KANTR: variants seen among roughly 807,000 people sequenced by gnomAD.
KANTR encodes KDM5C adjacent transcript.
chrX:53,097,100 G>A (rs1556810984), intron 1 of KANTR, among the ~76,000 whole-genome samples: 3 of 110,920 alleles, frequency 2.7e-5, no homozygotes, highest in Non-Finnish European at 3.8e-5. Flanking sequence ...CAACAAGAGC[G>A]AAACTTCGTC....
At chrX:53,097,408 A>G (rs1256942775) in intron 1 of KANTR, among the ~76,000 whole-genome samples, 2 of 88,253 alleles carry the variant, frequency 2.3e-5, no homozygotes, top group African/African-American at 8.5e-5. Context: ...GCTAGAATGC[A>G]GTGGCACAGT....
chrX:53,121,443 A>G (rs1556815500), intron 2 of KANTR, among the ~76,000 whole-genome samples: 1 of 112,260 alleles, frequency 8.9e-6, no homozygotes, highest in African/African-American at 3.2e-5. Flanking sequence ...TTGCTATATT[A>G]CTACTACCTA....
At chrX:53,134,475 A>G (rs1735850145) in intron 2 of KANTR, among the ~76,000 whole-genome samples, 1 of 111,975 alleles carries the variant, frequency 8.9e-6, no homozygotes, top group African/African-American at 3.2e-5. Context: ...TGGCTTCTCA[A>G]ACTCTATAAT....
intron 2 of KANTR, among the ~76,000 whole-genome samples, chrX:53,117,610 T>TGTTTG (rs782797715): frequency 2.0e-4 from 4 of 19,876 alleles, no homozygotes; most frequent in African/African-American, 4.1e-4. Context: ...TGTGTGTGTG[T>TGTTTG]TTTTTTTTTT....
intron 2 of KANTR, among the ~76,000 whole-genome samples, chrX:53,117,749 T>C (rs1310826294): frequency 9.3e-6 from 1 of 107,001 alleles, no homozygotes; most frequent in Non-Finnish European, 1.9e-5. Context: ...GCCTCCCGAG[T>C]AGCTGGGATT....
chrX:53,140,330 G>A (rs1185703837), intron 2 of KANTR, among the ~76,000 whole-genome samples: 1 of 110,680 alleles, frequency 9.0e-6, no homozygotes, highest in Non-Finnish European at 1.9e-5. Flanking sequence ...GCGAAACCCC[G>A]TCCCTACCAA....
At chrX:53,132,901 T>C (rs1239726982) in intron 2 of KANTR, among the ~76,000 whole-genome samples, 1 of 111,735 alleles carries the variant, frequency 8.9e-6, no homozygotes, top group Non-Finnish European at 1.9e-5. Context: ...TGAAAAAGAA[T>C]GAACTGTATA....
chrX:53,098,063 A>AG (rs1432173151), intron 1 of KANTR, among the ~76,000 whole-genome samples: 1 of 107,598 alleles, frequency 9.3e-6, no homozygotes, highest in Non-Finnish European at 1.9e-5. Flanking sequence ...AAAAAAAAAA[A>AG]AAAAAAAGAA....
intron 2 of KANTR, among the ~76,000 whole-genome samples, chrX:53,103,258 G>A (rs946126647): frequency 1.8e-5 from 2 of 111,040 alleles, no homozygotes; most frequent in Admixed American, 9.6e-5. Context: ...TTACAGGTGT[G>A]ACCCACTGTG....
At chrX:53,129,235 T>TGTGTGTGTG (rs1933330092), downstream of KANTR, among the ~76,000 whole-genome samples, 2 of 83,360 alleles carry the variant, frequency 2.4e-5, no homozygotes, top group South Asian at 7.4e-4. Context: ...GCCTGGCTAT[T>TGTGTGTGTG]TGTGTGTGTG....
At chrX:53,119,039 T>TCTTC (rs1933176642) in intron 2 of KANTR, among the ~76,000 whole-genome samples, 1 of 85,228 alleles carries the variant, frequency 1.2e-5, no homozygotes, top group Non-Finnish European at 2.2e-5. Flanking sequence ...TTCTTATTTT[T>TCTTC]CTTTCTTTTT....
intron 2 of KANTR, among the ~76,000 whole-genome samples, chrX:53,104,886 T>G (rs1932929427): frequency 9.4e-6 from 1 of 105,979 alleles, no homozygotes; most frequent in South Asian, 4.1e-4. Flanking sequence ...TATGTTTAAC[T>G]TTTTTTTTTT....
chrX:53,139,051 G>A (rs782110639), intron 2 of KANTR, among the ~76,000 whole-genome samples: 11 of 109,102 alleles, frequency 1.0e-4, no homozygotes, highest in African/African-American at 3.4e-4. Flanking sequence ...GAAACACCAT[G>A]TCTACTAAAA....
downstream of KANTR, among the ~76,000 whole-genome samples, chrX:53,130,526 T>G (rs1239327414): frequency 8.9e-6 from 1 of 112,312 alleles, no homozygotes; most frequent in Non-Finnish European, 1.9e-5. Context: ...CATTCTGGTT[T>G]TTGCTGAAAG....
At chrX:53,146,167 A>C (rs113262108), downstream of KANTR, among the ~76,000 whole-genome samples, 1 of 112,433 alleles carries the variant, frequency 8.9e-6, no homozygotes, top group Non-Finnish European at 1.9e-5. Flanking sequence ...AGTTGAGAGA[A>C]GAAGGCTTCA....
rs180792479 is a variant in KANTR at position 53,101,850 on chromosome X, T to C, written c.-805+2242T>C. 4.5e-5 allele frequency among the ~76,000 whole-genome samples: 5 copies of C among 110,799 alleles called. No homozygotes were observed. In the East Asian group the frequency reaches 1.4e-3, roughly 31 times the overall value. On this transcript the variant is annotated intron_variant, in intron 2 of 2. Transcript: ENST00000604062. ...CCATCTCTACAAAAAATACAAAAAT[T>C]AAGCTGGGTGCTGTGGCGTGCGCCG...
At chrX:53,142,461 G>A (rs368528040) in exon 3 of KANTR, 1 of 210,200 alleles carries the variant, frequency 4.8e-6, no homozygotes, top group South Asian at 6.4e-5. Flanking sequence ...GATTATAGGC[G>A]AATGCCACCA....
At chrX:53,115,689 T>G (rs1017496306) in intron 2 of KANTR, among the ~76,000 whole-genome samples, 4 of 113,041 alleles carry the variant, frequency 3.5e-5, no homozygotes, top group African/African-American at 1.3e-4. Flanking sequence ...GCCCAGTGCT[T>G]ACTTCCTTTC....
chrX:53,144,886 A>T (rs1465851424), downstream of KANTR, among the ~76,000 whole-genome samples: 1 of 111,790 alleles, frequency 8.9e-6, no homozygotes, highest in Non-Finnish European at 1.9e-5. Flanking sequence ...CAGTTCAGCC[A>T]CTTAGTGGAT....
Sources: gnomAD v4.1 joint callset for allele counts (sites outside exome capture counted in the v4.1 genomes callset) on GRCh38, gnomAD v4.1.1 for gene constraint, MANE v1.5 for transcripts, NCBI Gene and HGNC (gene_info 2026-07-23, HGNC 2026-07-21) for gene names.